Variants in SETBP1 observed in about 807,000 individuals in gnomAD.
SETBP1 encodes the protein SET-binding protein.
A neutral mutation model predicts 101.0 loss-of-function variants in SETBP1; 9 were observed. That is an observed-to-expected ratio of 0.09 (90% CI 0.05 to 0.16). The LOEUF is 0.16. SETBP1 is among the 10% of genes least tolerant of loss of function. The pLI is 1.00. For missense variants in SETBP1, 1,858 were observed against 2,033.8 expected (o/e 0.91, Z 1.66); for synonymous variants, 818 against 788.5 (o/e 1.04, Z -0.63).
rs939127817 is a variant in SETBP1, at chr18:44,807,053, A to C, written c.487-62177A>C. Among the ~76,000 whole-genome samples, 9 of 152,204 alleles carry C rather than the reference A, an allele frequency of 5.9e-5. No individual in the cohort carries two copies. In the East Asian group the frequency reaches 1.7e-3, roughly 29 times the overall value. ...GGTTCAAAACTGCATTGAGTGTGTT[A>C]ATCTTCACCCCCTAACTACACTGTA... On this transcript the variant is annotated intron_variant, in intron 2 of 5. Transcript: ENST00000649279.
chr18:44,930,622 T>C (rs916424615), intron 3 of SETBP1, among the ~76,000 whole-genome samples: 64 of 152,244 alleles, frequency 4.2e-4, no homozygotes, highest in African/African-American at 1.5e-3. Context: ...GAACCTGTTA[T>C]TGGTCTATTC....
At chr18:44,760,098 A>G (rs978707831) in intron 2 of SETBP1, among the ~76,000 whole-genome samples, 2 of 152,168 alleles carry the variant, frequency 1.3e-5, no homozygotes, top group Non-Finnish European at 2.9e-5. Flanking sequence ...CTAGGGTAAT[A>G]CATGTCCCTG....
chr18:44,884,313 A>T (rs1364977364), intron 3 of SETBP1, among the ~76,000 whole-genome samples: 1 of 152,206 alleles, frequency 6.6e-6, no homozygotes, highest in African/African-American at 2.4e-5. Context: ...TTAAGTATGC[A>T]TGTAACGGAC....
At chr18:45,014,259 T>C (rs2072898430) in intron 4 of SETBP1, among the ~76,000 whole-genome samples, 1 of 152,130 alleles carries the variant, frequency 6.6e-6, no homozygotes, top group Non-Finnish European at 1.5e-5. Context: ...ATCAGAGGAA[T>C]CGGTTTCAGC....
At chr18:44,975,282 T>G (rs536177928) in intron 4 of SETBP1, among the ~76,000 whole-genome samples, 72 of 152,230 alleles carry the variant, frequency 4.7e-4, no homozygotes, top group Non-Finnish European at 7.6e-4. Flanking sequence ...CAGTCTTACT[T>G]GTGGGGAACA....
intron 3 of SETBP1, among the ~76,000 whole-genome samples, chr18:44,947,515 TG>T (rs869109288): frequency 6.3e-4 from 92 of 146,872 alleles, no homozygotes; most frequent in African/African-American, 2.2e-3. Flanking sequence ...TTTTTTTTTT[TG>T]AGACGGAGTT....
chr18:44,840,117 T>C (rs2072586584), intron 2 of SETBP1, among the ~76,000 whole-genome samples: 1 of 151,004 alleles, frequency 6.6e-6, no homozygotes, highest in Admixed American at 6.5e-5. Flanking sequence ...CAGAGCACCC[T>C]GCACCCTGCC....
chr18:44,960,612 G>A (rs75931048), intron 4 of SETBP1, among the ~76,000 whole-genome samples: 5,739 of 152,142 alleles, frequency 0.038, 166 homozygotes, highest in Middle Eastern at 0.065. Context: ...CCAAAGCGCT[G>A]GAATTATAGC....
chr18:44,751,357 A>G (rs748929251), intron 2 of SETBP1, among the ~76,000 whole-genome samples: 1 of 152,204 alleles, frequency 6.6e-6, no homozygotes, highest in Non-Finnish European at 1.5e-5. Flanking sequence ...TTTGAGAGAT[A>G]GAGCAGAGAG....
chr18:45,063,364 G>T lies in SETBP1; in HGVS notation c.4457G>T (p.Gly1486Val). Reference protein sequence around the residue: ...EKCIDLPSKRGQKPSLSPLVL... With the variant: ...EKCIDLPSKRVQKPSLSPLVL... ...TGCATCGACCTGCCCAGCAAAAGAG[G>T]CCAGAAGCCCAGCCTGAGCCCGCTG... Residue 1486 changes from glycine (G) to valine (V), a missense_variant, in exon 6 of 6, where the codon GGC (glycine) becomes GTC (valine). By Grantham distance (109) the Gly-to-Val change is moderately radical (BLOSUM62 -3). Coordinates refer to ENST00000649279, the MANE Select transcript of SETBP1 (RefSeq NM_015559.3). 1.3e-6 allele frequency: 2 copies of T among 1,571,770 alleles called. No homozygotes were observed. The highest frequency in any genetic ancestry group is 2.4e-5 in the East Asian group (1 of 41,802).
At chr18:44,923,210 T>C (rs1408240659) in intron 3 of SETBP1, among the ~76,000 whole-genome samples, 1 of 152,220 alleles carries the variant, frequency 6.6e-6, no homozygotes, top group Non-Finnish European at 1.5e-5. Flanking sequence ...CAAAAAAATA[T>C]GACCTTCTGG....
chr18:44,869,294 C>A lies in SETBP1; in HGVS notation c.540+11C>A. 1.9e-6 allele frequency: 3 copies of A among 1,613,146 alleles called. No individual in the cohort carries two copies. Among genetic ancestry groups the A allele is most frequent in the Non-Finnish European group, 2.5e-6 (3 of 1,179,126 alleles). ...GGATTTCAGCCACAGGTAAGTTCCA[C>A]TGATGCTTTTAAGAAGTTTGGAAGA... On this transcript the variant is annotated intron_variant, in intron 3 of 5. Transcript: ENST00000649279.
At chr18:44,937,834 T>A (rs1044250339) in intron 3 of SETBP1, among the ~76,000 whole-genome samples, 14 of 152,108 alleles carry the variant, frequency 9.2e-5, no homozygotes, top group Admixed American at 6.5e-5. Context: ...CAATTCTCAC[T>A]CCACGGTTTG....
chr18:44,809,294 G>A (rs2071810866), intron 2 of SETBP1, among the ~76,000 whole-genome samples: 1 of 152,178 alleles, frequency 6.6e-6, no homozygotes. Flanking sequence ...AGCATTCTCT[G>A]TAGTAGGACT....
At chr18:45,005,686 G>A (rs959533603) in intron 4 of SETBP1, among the ~76,000 whole-genome samples, 2 of 129,314 alleles carry the variant, frequency 1.5e-5, no homozygotes, top group African/African-American at 6.0e-5. Flanking sequence ...TTGCTCTGTC[G>A]CCCAGGCTGG....
At chr18:44,688,600 C>G (rs1160214473) in intron 1 of SETBP1, among the ~76,000 whole-genome samples, 1 of 151,740 alleles carries the variant, frequency 6.6e-6, no homozygotes, top group Non-Finnish European at 1.5e-5. Flanking sequence ...TTATAGTCAC[C>G]CGCCACCATG....
rs371190564 is a variant in SETBP1 at position 44,894,923 on chromosome 18, A to T, written c.540+25640A>T. 1.5e-4 allele frequency among the ~76,000 whole-genome samples: 23 copies of T among 148,912 alleles called. No homozygotes were observed. The East Asian group carries it at 4.4e-3, about 29-fold the overall frequency. On this transcript the variant is annotated intron_variant, in intron 3 of 5. Transcript: ENST00000649279. Reference sequence around the variant, plus strand: ...AGGCCAGGAGTTCAAAAGCAGCCTGAGCAACATAGCGAGACCCTATCTCTG... The same window carrying T: ...AGGCCAGGAGTTCAAAAGCAGCCTGTGCAACATAGCGAGACCCTATCTCTG...
At chr18:45,051,657 G>A (rs868670995) in intron 5 of SETBP1, among the ~76,000 whole-genome samples, 1 of 152,164 alleles carries the variant, frequency 6.6e-6, no homozygotes. Flanking sequence ...ATATGTGCAT[G>A]TGTTCCTTTT....
intron 3 of SETBP1, chr18:44,876,970 C>T: frequency 1.6e-6 from 2 of 1,241,428 alleles, no homozygotes; most frequent in Non-Finnish European, 2.0e-6. Flanking sequence ...ATTAGGCGGC[C>T]CTGATGCAGC....
Sources: gnomAD v4.1 joint callset for allele counts (sites outside exome capture counted in the v4.1 genomes callset) on GRCh38, gnomAD v4.1.1 for gene constraint, MANE v1.5 for transcripts, NCBI Gene and HGNC (gene_info 2026-07-23, HGNC 2026-07-21) for gene names.